SGO1: variants seen among roughly 807,000 people sequenced by gnomAD.
The protein encoded by SGO1 is serologically defined breast cancer antigen NY-BR-85.
In SGO1, 39 loss-of-function variants were observed where a neutral mutation model predicts 50.5. The ratio of observed to expected loss-of-function variants is 0.77; its 90% confidence interval spans 0.60 to 1.01. The LOEUF (loss-of-function observed/expected upper bound fraction) is 1.01. SGO1 is among the 50% of genes least tolerant of loss of function. The probability of loss-of-function intolerance (pLI) is 0.00; values close to 1 mark genes in which losing one functional copy is unlikely to be tolerated. For missense variants in SGO1, 638 were observed against 606.0 expected (o/e 1.05, Z -0.55); for synonymous variants, 191 against 205.1 (o/e 0.93, Z 0.59).
At chr3:20,168,957 G>A (rs1700460706), downstream of SGO1, 1 of 984,996 alleles carries the variant, frequency 1.0e-6, no homozygotes, top group Non-Finnish European at 1.2e-6. Flanking sequence ...CTTTTTAATG[G>A]TCTGTAGTCT....
chr3:20,185,038 C>A (rs1702474339), intron 1 of SGO1, among the ~76,000 whole-genome samples: 1 of 152,176 alleles, frequency 6.6e-6, no homozygotes, highest in African/African-American at 2.4e-5. Context: ...TACACTTAAT[C>A]TTGAGTATTT....
At chr3:20,170,961 C>T in intron 7 of SGO1, 82 bp downstream of exon 7, 1 of 1,475,544 alleles carries the variant, frequency 6.8e-7, no homozygotes, top group Non-Finnish European at 9.1e-7. Flanking sequence ...TCAGAAAAAA[C>T]TCATTCTTGA....
chr3:20,161,745 A>G (rs1700051211), intron 8 of SGO1, among the ~76,000 whole-genome samples: 1 of 152,198 alleles, frequency 6.6e-6, no homozygotes, highest in African/African-American at 2.4e-5. Context: ...CAACAAGCCA[A>G]TAATTTTTCA....
At chr3:20,182,339 A>AC (rs1302516071) in intron 3 of SGO1, among the ~76,000 whole-genome samples, 2 of 138,262 alleles carry the variant, frequency 1.4e-5, no homozygotes, top group Non-Finnish European at 3.1e-5. Context: ...ACCTCCTCCC[A>AC]CCCCCCATAT....
In SGO1 at chr3:20,170,600, T is replaced by C; in HGVS notation, c.*104A>G. Reference sequence around the variant, plus strand: ...ATGAGCTAGGGTCCTGTCAAGAGAATATTCTATGGCAATGGCTCACTCTGT... The same window carrying C: ...ATGAGCTAGGGTCCTGTCAAGAGAACATTCTATGGCAATGGCTCACTCTGT... On this transcript the variant is annotated 3_prime_UTR_variant, in exon 8 of 8. Coordinates refer to ENST00000412997, the MANE Select transcript of SGO1 (RefSeq NM_001199251.3). 2 of 1,387,852 alleles carry C rather than the reference T, an allele frequency of 1.4e-6. No individual in the cohort carries two copies. Among genetic ancestry groups the C allele is most frequent in the South Asian group, 1.9e-5 (1 of 53,496 alleles). 86.0% of individuals were successfully genotyped at this position (1,387,852 alleles called of 1,614,324 possible).
At position 20,183,729 on chromosome 3, in the gene SGO1, G is replaced by A; in HGVS notation, c.218C>T (p.Ser73Phe). ...MLVLALENEK[S>F]KVKEAQDIIL... ...GATATCTTGGGCTTCTTTCACTTTG[G>A]ATTTTTCATTTTCCAAAGCTAAAAC... The change falls in exon 3 of 8, where the codon TCC becomes TTC. Residue 73 changes from serine to phenylalanine, a missense_variant. Transcript: ENST00000412997. The A allele has an allele frequency of 1.2e-6, 2 of 1,613,420 alleles. No homozygotes were observed. The highest frequency in any genetic ancestry group is 1.7e-6 in the Non-Finnish European group (2 of 1,179,802).
At chr3:20,168,879 C>T (rs377456757), downstream of SGO1, 79 of 903,992 alleles carry the variant, frequency 8.7e-5, no homozygotes, top group South Asian at 3.1e-4. Flanking sequence ...GTGATCTGCC[C>T]GCCTTGGCCT....
intron 5 of SGO1, 107 bp from the exon 6 acceptor site, chr3:20,175,162 CTGT>C: frequency 8.8e-7 from 1 of 1,139,466 alleles, no homozygotes; most frequent in Non-Finnish European, 1.2e-6. Flanking sequence ...AAAGGTCATT[CTGT>C]AGTTTTCCTA....
downstream of SGO1, chr3:20,169,419 G>T: frequency 1.0e-6 from 1 of 984,886 alleles, no homozygotes; most frequent in Non-Finnish European, 1.2e-6. Flanking sequence ...GTCCAAGGAT[G>T]AGAATAGTGA....
At chr3:20,163,462 A>G (rs1438798699) in intron 8 of SGO1, among the ~76,000 whole-genome samples, 1 of 152,196 alleles carries the variant, frequency 6.6e-6, no homozygotes, top group Non-Finnish European at 1.5e-5. Flanking sequence ...TTGACCAACA[A>G]CTGTTCAAGA....
Position 20,169,914 on chromosome 3 carries a change from G to A in SGO1, c.*790C>T, listed in dbSNP as rs1412268409. On this transcript the variant is annotated 3_prime_UTR_variant, in exon 8 of 8. Coordinates refer to ENST00000412997, the MANE Select transcript of SGO1 (RefSeq NM_001199251.3). ...TAAATGTCAAATATTTATTTTACTC[G>A]AATACTACACAGAGTTTCAAAAGAT... is the stretch of plus-strand genomic sequence containing the variant. 17 of 983,192 alleles carry A rather than the reference G, an allele frequency of 1.7e-5. No individual in the cohort carries two copies. The South Asian group carries it at 3.8e-4, about 22-fold the overall frequency. 60.9% of individuals were successfully genotyped at this position (983,192 alleles called of 1,614,324 possible). A position where few individuals can be genotyped will look rare whatever the true frequency, so the allele number is the denominator to read the frequency against.
rs200607145 is a variant in SGO1 at position 20,174,956 on chromosome 3, C to T, written c.575G>A (p.Arg192His). The T allele has an allele frequency of 4.3e-5, 69 of 1,613,774 alleles. No individual in the cohort carries two copies. Among genetic ancestry groups the T allele is most frequent in the African/African-American group, 5.3e-5 (4 of 74,888 alleles). Residue 192 changes from arginine to histidine, a missense_variant, in exon 6 of 8, where the codon CGT becomes CAT. Arg to His is a conservative substitution (Grantham distance 29). Transcript: ENST00000412997. Reference protein sequence around the residue: ...DNVLPRTVSVRSSLKKHCNSI... With the variant: ...DNVLPRTVSVHSSLKKHCNSI... The stretch of plus-strand genomic sequence containing the variant: ...GTTACAATGTTTCTTTAAACTGCTA[C>T]GAACAGATACAGTTCTAGGTAAGAC...
At chr3:20,168,042 T>C (rs1700393306), downstream of SGO1, among the ~76,000 whole-genome samples, 1 of 152,208 alleles carries the variant, frequency 6.6e-6, no homozygotes, top group African/African-American at 2.4e-5. Context: ...TAAAAGTCAG[T>C]TGTAAAATGA....
chr3:20,170,937 C>A, intron 7 of SGO1, 106 bp downstream of exon 7: 2 of 1,467,040 alleles, frequency 1.4e-6, no homozygotes, highest in South Asian at 1.3e-5. Context: ...TTTTTTAAAT[C>A]AAATGTTTAT....
Position 20,169,526 on chromosome 3 carries a change from A to C in SGO1, c.*1178T>G, listed in dbSNP as rs1345805404. On this transcript the variant is annotated 3_prime_UTR_variant, in exon 8 of 8. Transcript: ENST00000412997. Reference sequence around the variant, plus strand: ...ATTGCTCTTTAAAAATGAATAACCTACAAAGTTCTAAAATTTAAAGAGGTA... The same window carrying C: ...ATTGCTCTTTAAAAATGAATAACCTCCAAAGTTCTAAAATTTAAAGAGGTA... 62 of 981,538 alleles carry C rather than the reference A, an allele frequency of 6.3e-5. No homozygotes were observed. Among genetic ancestry groups the C allele is most frequent in the Non-Finnish European group, 7.3e-5 (60 of 826,490 alleles). The allele number at this position is 981,538 out of a possible 1,614,324, so 60.8% of individuals were successfully genotyped here.
chr3:20,161,939 C>G (rs867035338), intron 8 of SGO1, among the ~76,000 whole-genome samples: 2 of 152,066 alleles, frequency 1.3e-5, no homozygotes, highest in African/African-American at 2.4e-5. Flanking sequence ...ATTATAATTC[C>G]AGAGAGAAGG....
Position 20,183,705 on chromosome 3 carries a change from A to AT in SGO1, c.241dup (p.Ile81AsnfsTer46), listed in dbSNP as rs755409093. The stretch of plus-strand genomic sequence containing the variant: ...ACATTCTTTTCTCAGCTGTAGGATG[A>AT]TATCTTGGGCTTCTTTCACTTTGGA... On this transcript the variant is annotated frameshift_variant, in exon 3 of 8. Coordinates refer to ENST00000412997, the MANE Select transcript of SGO1 (RefSeq NM_001199251.3). LOFTEE classifies it high-confidence loss of function. 1 of 1,613,348 alleles carries AT rather than the reference A, an allele frequency of 6.2e-7. No individual in the cohort carries two copies. Among genetic ancestry groups the AT allele is most frequent in the South Asian group, 1.1e-5 (1 of 90,790 alleles).
downstream of SGO1, among the ~76,000 whole-genome samples, chr3:20,165,025 CATTT>C (rs1266559500): frequency 7.2e-5 from 11 of 152,096 alleles, no homozygotes; most frequent in Non-Finnish European, 1.5e-4. Context: ...TTTCTTAGTT[CATTT>C]GTGTTGCTAT....
downstream of SGO1, among the ~76,000 whole-genome samples, chr3:20,166,980 TG>T (rs1240549260): frequency 2.0e-5 from 3 of 151,254 alleles, no homozygotes; most frequent in Non-Finnish European, 4.4e-5. Flanking sequence ...CACTGCAGCC[TG>T]GGTGACAGAG....
Sources: allele counts gnomAD v4.1 joint callset (sites outside exome capture counted in the v4.1 genomes callset), GRCh38; gene constraint gnomAD v4.1.1; transcripts MANE v1.5; gene names NCBI Gene and HGNC (gene_info 2026-07-23, HGNC 2026-07-21).